Variants in PARD3B observed in about 807,000 individuals in gnomAD.
PARD3B encodes partitioning defective 3 homolog B.
A neutral mutation model predicts 130.2 loss-of-function variants in PARD3B; 103 were observed. The observed-to-expected ratio is 0.79, with a 90% CI of 0.67 to 0.93. The LOEUF (loss-of-function observed/expected upper bound fraction) is 0.93, where lower values mean the gene tolerates loss of function less well. PARD3B is among the 40% of genes least tolerant of loss of function. The pLI is 0.00. For missense variants in PARD3B, 1,609 were observed against 1,499.2 expected, an observed-to-expected ratio of 1.07 and a Z score of -1.21; for synonymous variants, 583 against 553.2, an observed-to-expected ratio of 1.05 and a Z score of -0.76.
intron 18 of PARD3B, among the ~76,000 whole-genome samples, chr2:205,335,794 A>G (rs1256243978): frequency 6.6e-6 from 1 of 152,182 alleles, no homozygotes; most frequent in Non-Finnish European, 1.5e-5. Context: ...CTGTTTTTAA[A>G]ACCATCAGAT....
chr2:205,285,385 G>C (rs1055819742), intron 16 of PARD3B, among the ~76,000 whole-genome samples: 2 of 152,146 alleles, frequency 1.3e-5, no homozygotes, highest in African/African-American at 4.8e-5. Flanking sequence ...TTGAATCCTA[G>C]CTAGGGCATG....
chr2:205,360,872 T>C lies in PARD3B; in HGVS notation c.2631-40141T>C, dbSNP rs1354498798. ...AAGTTCTTCTGCATATATGAATCTATTGCAGTTCTTCTTTTCTCCACTCAG... is the reference window on the plus strand; with the variant it reads ...AAGTTCTTCTGCATATATGAATCTACTGCAGTTCTTCTTTTCTCCACTCAG... On this transcript the variant is annotated intron_variant, in intron 18 of 22. Transcript: ENST00000406610. 3.3e-5 allele frequency among the ~76,000 whole-genome samples: 5 copies of C among 152,346 alleles called. No individual in the cohort carries two copies. The East Asian group carries it at 7.7e-4, about 23-fold the overall frequency.
chr2:204,898,500 A>G (rs1044632269), intron 2 of PARD3B, among the ~76,000 whole-genome samples: 14 of 151,882 alleles, frequency 9.2e-5, no homozygotes, highest in African/African-American at 3.1e-4. Context: ...TACAATTTCA[A>G]TTTTTTTTGA....
chr2:205,275,029 T>C (rs1268412066), intron 16 of PARD3B, among the ~76,000 whole-genome samples: 1 of 152,190 alleles, frequency 6.6e-6, no homozygotes, highest in Non-Finnish European at 1.5e-5. Context: ...ACTGCTTGTG[T>C]GCCTTTTGAA....
At chr2:204,617,000 C>A (rs2034136509) in intron 1 of PARD3B, among the ~76,000 whole-genome samples, 1 of 152,162 alleles carries the variant, frequency 6.6e-6, no homozygotes, top group Non-Finnish European at 1.5e-5. Flanking sequence ...ATACTTCTTT[C>A]CAAACCTTTT....
chr2:204,789,937 C>A (rs1335002510), intron 2 of PARD3B, among the ~76,000 whole-genome samples: 1 of 151,008 alleles, frequency 6.6e-6, no homozygotes, highest in Non-Finnish European at 1.5e-5. Context: ...GTGGCGCGAT[C>A]TCGGCTCACT....
At chr2:204,656,733 A>G (rs769599335) in intron 1 of PARD3B, among the ~76,000 whole-genome samples, 2 of 152,154 alleles carry the variant, frequency 1.3e-5, no homozygotes, top group African/African-American at 2.4e-5. Context: ...TCTACATTCT[A>G]AATATTTTTT....
chr2:204,629,295 C>G (rs1559194449), intron 1 of PARD3B, among the ~76,000 whole-genome samples: 1 of 152,038 alleles, frequency 6.6e-6, no homozygotes. Context: ...AGAGATTTGC[C>G]CCTTCCCTAC....
At chr2:205,103,903 C>T (rs1703008710) in intron 4 of PARD3B, 5 of 222,922 alleles carry the variant, frequency 2.2e-5, no homozygotes, top group Non-Finnish European at 3.8e-5. Flanking sequence ...GAAGATTATC[C>T]TCAGAGTCAA....
At chr2:204,961,981 A>T (rs1287745574) in intron 2 of PARD3B, among the ~76,000 whole-genome samples, 1 of 151,976 alleles carries the variant, frequency 6.6e-6, no homozygotes, top group Admixed American at 6.6e-5. Context: ...TTTAGAGGGG[A>T]GGCAAAAAAT....
At chr2:204,979,540 C>T (rs895187743) in intron 3 of PARD3B, among the ~76,000 whole-genome samples, 6 of 152,134 alleles carry the variant, frequency 3.9e-5, no homozygotes, top group Non-Finnish European at 7.4e-5. Flanking sequence ...ACAGCCACTA[C>T]TCACCAGACA....
chr2:204,723,491 C>T (rs896835593), intron 2 of PARD3B, among the ~76,000 whole-genome samples: 1 of 152,100 alleles, frequency 6.6e-6, no homozygotes, highest in Non-Finnish European at 1.5e-5. Context: ...TCATTATTCA[C>T]TATGATAACA....
At chr2:205,062,089 A>G (rs1229957479) in intron 4 of PARD3B, among the ~76,000 whole-genome samples, 1 of 151,820 alleles carries the variant, frequency 6.6e-6, no homozygotes, top group Non-Finnish European at 1.5e-5. Context: ...CACCTTCCTC[A>G]CTTGTTTACA....
chr2:205,069,754 G>C (rs902153947), intron 4 of PARD3B, among the ~76,000 whole-genome samples: 4 of 152,052 alleles, frequency 2.6e-5, no homozygotes, highest in African/African-American at 9.7e-5. Flanking sequence ...AGCTTCAAGG[G>C]ACCAGTGGCT....
intron 20 of PARD3B, among the ~76,000 whole-genome samples, chr2:205,464,037 A>G (rs2048539820): frequency 6.6e-6 from 1 of 152,176 alleles, no homozygotes; most frequent in Non-Finnish European, 1.5e-5. Flanking sequence ...AAAGTACTCC[A>G]TAATTCTCTA....
chr2:204,591,606 A>G (rs920450172), intron 1 of PARD3B, among the ~76,000 whole-genome samples: 16 of 152,182 alleles, frequency 1.1e-4, no homozygotes, highest in South Asian at 2.1e-4. Context: ...TGCCAATTCA[A>G]TGGTATAGTA....
Position 205,105,784 on chromosome 2 carries a change from A to T in PARD3B, c.593+1270A>T, listed in dbSNP as rs1703161324. Among the ~76,000 whole-genome samples the T allele has an allele frequency of 6.6e-6, 1 of 151,888 alleles. No individual in the cohort carries two copies. The highest frequency in any genetic ancestry group is 6.6e-5 in the Admixed American group (1 of 15,258). On this transcript the variant is annotated intron_variant, in intron 5 of 22. Coordinates refer to ENST00000406610, the MANE Select transcript of PARD3B (RefSeq NM_001302769.2). This position sits in a 1 kb window ranked among gnomAD's most constrained non-coding sequence, Gnocchi z 4.0. ...GACCCTCTCTCTCTCTGAAGAAAAA[A>T]AAAAGGCGGGGGGATATGGGGTAGG...
chr2:205,183,828 C>T lies in PARD3B; in HGVS notation c.1925-1936C>T, dbSNP rs2035940305. 2.0e-5 allele frequency among the ~76,000 whole-genome samples: 3 copies of T among 151,244 alleles called. No individual in the cohort carries two copies. Among genetic ancestry groups the T allele is most frequent in the Non-Finnish European group, 2.9e-5 (2 of 67,896 alleles). ...CATGGCCATGGAGACAGGCACATCC[C>T]AGGATCTGCAGGATGAGTCAGCAAG... On this transcript the variant is annotated intron_variant, in intron 13 of 22. Coordinates refer to ENST00000406610, the MANE Select transcript of PARD3B (RefSeq NM_001302769.2). This position sits in a 1 kb window ranked among gnomAD's most constrained non-coding sequence, Gnocchi z 5.2.
At chr2:205,614,885 A>G (rs1559273410) in intron 22 of PARD3B, among the ~76,000 whole-genome samples, 1 of 152,078 alleles carries the variant, frequency 6.6e-6, no homozygotes, top group Non-Finnish European at 1.5e-5. Flanking sequence ...CAGATTTAGA[A>G]AAGCGAGTGC....
Sources: gnomAD v4.1 joint callset for allele counts (sites outside exome capture counted in the v4.1 genomes callset) on GRCh38, gnomAD v4.1.1 for gene constraint, Gnocchi (gnomAD v3.1) non-coding constraint, MANE v1.5 for transcripts, NCBI Gene and HGNC (gene_info 2026-07-23, HGNC 2026-07-21) for gene names.